ROBO1: variants seen among roughly 807,000 people sequenced by gnomAD.
ROBO1 encodes roundabout homolog 1.
ROBO1 carries 149 observed loss-of-function variants against 195.9 expected under a neutral mutation model. The observed-to-expected ratio is 0.76, with a 90% confidence interval of 0.67 to 0.87. The LOEUF is 0.87. ROBO1 is among the 40% of genes least tolerant of loss of function. The probability of loss-of-function intolerance (pLI) is 0.00; values close to 1 mark genes in which losing one functional copy is unlikely to be tolerated. For missense variants in ROBO1, 1,933 were observed against 2,068.3 expected, an observed-to-expected ratio of 0.93 and a Z score of 1.27; for synonymous variants, 816 against 733.2, an observed-to-expected ratio of 1.11 and a Z score of -1.82.
At chr3:78,618,994 C>A (rs1704291115) in intron 26 of ROBO1, among the ~76,000 whole-genome samples, 1 of 152,146 alleles carries the variant, frequency 6.6e-6, no homozygotes, top group Non-Finnish European at 1.5e-5. Context: ...GGAAGGAAGT[C>A]ATCCCCATGG....
At chr3:78,850,807 C>CTT (rs112628157) in intron 4 of ROBO1, among the ~76,000 whole-genome samples, 3 of 148,890 alleles carry the variant, frequency 2.0e-5, no homozygotes, top group African/African-American at 7.4e-5. Context: ...CTTTTCTTTT[C>CTT]TTTTTTTTTT....
At chr3:78,678,408 C>T (rs1488616627) in intron 10 of ROBO1, among the ~76,000 whole-genome samples, 1 of 151,902 alleles carries the variant, frequency 6.6e-6, no homozygotes, top group African/African-American at 2.4e-5. Flanking sequence ...AAAGGATCAA[C>T]AAAATTGATA....
At chr3:79,351,521 CA>C (rs1271918907) in intron 2 of ROBO1, among the ~76,000 whole-genome samples, 1 of 151,846 alleles carries the variant, frequency 6.6e-6, no homozygotes, top group Non-Finnish European at 1.5e-5. Flanking sequence ...ACCAAAAAAC[CA>C]AAAAGATATT....
At chr3:79,312,321 G>A (rs151120031) in intron 2 of ROBO1, among the ~76,000 whole-genome samples, 32 of 152,084 alleles carry the variant, frequency 2.1e-4, no homozygotes, top group African/African-American at 7.0e-4. Context: ...TTTTCAATTC[G>A]TTTGTCTGTT....
At chr3:79,560,027 A>T (rs1186172463) in intron 2 of ROBO1, among the ~76,000 whole-genome samples, 1 of 152,066 alleles carries the variant, frequency 6.6e-6, no homozygotes, top group East Asian at 2.0e-4. Flanking sequence ...TGTTAAAAAG[A>T]AGGATACTAT....
intron 2 of ROBO1, among the ~76,000 whole-genome samples, chr3:79,268,896 GTTA>G (rs911282892): frequency 2.6e-5 from 4 of 151,634 alleles, no homozygotes; most frequent in African/African-American, 7.3e-5. Flanking sequence ...CAAAATGTCT[GTTA>G]TATCATTTTT....
chr3:79,351,840 G>A (rs2035355616), intron 2 of ROBO1, among the ~76,000 whole-genome samples: 1 of 151,836 alleles, frequency 6.6e-6, no homozygotes, highest in Admixed American at 6.6e-5. Context: ...ATTAAAAGGA[G>A]GGCACAGTGT....
chr3:79,480,302 C>T (rs559070159), intron 2 of ROBO1, among the ~76,000 whole-genome samples: 7 of 152,120 alleles, frequency 4.6e-5, no homozygotes, highest in Admixed American at 2.0e-4. Flanking sequence ...TGAACTGGGT[C>T]TTATAGAATA....
intron 4 of ROBO1, among the ~76,000 whole-genome samples, chr3:78,765,858 A>G (rs1362456482): frequency 6.6e-6 from 1 of 152,218 alleles, no homozygotes; most frequent in Non-Finnish European, 1.5e-5. Context: ...TTGCTGATAG[A>G]TAGTAAGCCA....
intron 6 of ROBO1, 78 bp from the exon 7 acceptor site, chr3:78,717,491 G>T: frequency 1.6e-6 from 2 of 1,274,394 alleles, no homozygotes; most frequent in Non-Finnish European, 2.3e-6. Context: ...TTCAGTAAGA[G>T]CATATTTTTA....
chr3:79,161,412 T>A (rs950519287), intron 2 of ROBO1, among the ~76,000 whole-genome samples: 5 of 152,140 alleles, frequency 3.3e-5, no homozygotes. Flanking sequence ...TCAATTTTTT[T>A]AAATCAAGGT....
intron 1 of ROBO1, among the ~76,000 whole-genome samples, chr3:79,620,247 G>T (rs1281555324): frequency 6.6e-6 from 1 of 152,150 alleles, no homozygotes. Flanking sequence ...CAAGGATCTT[G>T]GACTGACTCC....
intron 4 of ROBO1, among the ~76,000 whole-genome samples, chr3:78,769,720 T>G (rs1347676561): frequency 6.6e-6 from 1 of 151,916 alleles, no homozygotes. Context: ...GTTTCCAGGA[T>G]TTGTTTCAAG....
intron 4 of ROBO1, among the ~76,000 whole-genome samples, chr3:78,772,656 G>C (rs1287978931): frequency 6.6e-6 from 1 of 151,936 alleles, no homozygotes; most frequent in South Asian, 2.1e-4. Context: ...CAATGAGACA[G>C]TAGACCCTAT....
At chr3:79,249,321 A>ACAGAG (rs2082678712) in intron 2 of ROBO1, among the ~76,000 whole-genome samples, 1 of 152,162 alleles carries the variant, frequency 6.6e-6, no homozygotes, top group Non-Finnish European at 1.5e-5. Flanking sequence ...TCTGAGAAAG[A>ACAGAG]CAGAGTATAT....
intron 1 of ROBO1, among the ~76,000 whole-genome samples, chr3:79,751,761 A>G (rs1279004966): frequency 6.6e-6 from 1 of 152,174 alleles, no homozygotes; most frequent in African/African-American, 2.4e-5. Flanking sequence ...CAGATAACAA[A>G]TTAAATAATT....
At chr3:78,831,327 CCTAAA>C (rs1161999552) in intron 4 of ROBO1, among the ~76,000 whole-genome samples, 1 of 151,892 alleles carries the variant, frequency 6.6e-6, no homozygotes, top group Non-Finnish European at 1.5e-5. Flanking sequence ...AGTTGACCTG[CCTAAA>C]AAATGAAATT....
At chr3:79,524,759 A>C (rs1267785003) in intron 2 of ROBO1, among the ~76,000 whole-genome samples, 2 of 152,158 alleles carry the variant, frequency 1.3e-5, no homozygotes, top group African/African-American at 2.4e-5. Flanking sequence ...TGACGTTCAT[A>C]TTGTATCATA....
intron 4 of ROBO1, among the ~76,000 whole-genome samples, chr3:78,887,620 G>A (rs567958589): frequency 3.3e-5 from 5 of 152,294 alleles, no homozygotes; most frequent in East Asian, 1.9e-4. Context: ...ATCCCTGGAG[G>A]AGAGGAGTGA....
Sources: gnomAD v4.1 joint callset for allele counts (sites outside exome capture counted in the v4.1 genomes callset) on GRCh38, gnomAD v4.1.1 for gene constraint, MANE v1.5 for transcripts, NCBI Gene and HGNC (gene_info 2026-07-23, HGNC 2026-07-21) for gene names.